Variants in RAD51B observed in about 807,000 individuals in gnomAD.
RAD51B encodes RAD51 paralog B, also known as DNA repair protein RAD51 homolog 2.
In RAD51B, 38 loss-of-function variants were observed where a neutral mutation model predicts 42.2. That is an observed-to-expected ratio of 0.90 (90% confidence interval 0.70 to 1.18). The LOEUF (loss-of-function observed/expected upper bound fraction) is 1.18, where lower values mean the gene tolerates loss of function less well. RAD51B is among the 50% of genes most tolerant of loss of function. The pLI, the probability that RAD51B is intolerant of heterozygous loss-of-function variation, is 0.00. For synonymous variants in RAD51B, 154 were observed against 145.2 expected (o/e 1.06, Z -0.43); for missense variants, 373 against 400.7 (o/e 0.93, Z 0.59).
chr14:68,298,889 T>A (rs896700986), intron 8 of RAD51B, among the ~76,000 whole-genome samples: 1 of 152,134 alleles, frequency 6.6e-6, no homozygotes, highest in African/African-American at 2.4e-5. Context: ...ACGATTAGTT[T>A]GTGTTGTAAT....
chr14:67,893,496 ACACACACAC>A (rs1423383170), intron 7 of RAD51B, among the ~76,000 whole-genome samples: 1,541 of 94,290 alleles, frequency 0.016, 104 homozygotes, highest in African/African-American at 0.037. Flanking sequence ...ACACACACAC[ACACACACAC>A]ACACAAAAAA....
At chr14:68,113,438 A>C (rs1173307293) in intron 7 of RAD51B, among the ~76,000 whole-genome samples, 5 of 152,160 alleles carry the variant, frequency 3.3e-5, no homozygotes, top group Non-Finnish European at 5.9e-5. Flanking sequence ...CTCATGCATT[A>C]AACTCTCAAT....
At chr14:68,163,514 T>G (rs143228054) in intron 7 of RAD51B, among the ~76,000 whole-genome samples, 4 of 152,342 alleles carry the variant, frequency 2.6e-5, no homozygotes, top group African/African-American at 4.8e-5. Context: ...TTGGCCTCAC[T>G]TCTTTACCTA....
exon 11 of RAD51B, chr14:68,650,850 G>A (rs762954457): frequency 1.3e-5 from 10 of 757,222 alleles, no homozygotes; most frequent in Middle Eastern, 2.3e-4. Flanking sequence ...TCCTGAGATT[G>A]CTACAGGTAT....
intron 4 of RAD51B, among the ~76,000 whole-genome samples, chr14:67,854,045 C>T (rs4902523): frequency 0.064 from 9,778 of 152,196 alleles, 710 homozygotes; most frequent in African/African-American, 0.18. Context: ...CAAATCAGTT[C>T]GGTAGCCTTC....
chr14:68,346,959 C>T (rs371761096), intron 8 of RAD51B, among the ~76,000 whole-genome samples: 7 of 152,150 alleles, frequency 4.6e-5, no homozygotes, highest in Admixed American at 3.3e-4. Context: ...CCCTCTACCC[C>T]CCAAGGCTGG....
intron 10 of RAD51B, among the ~76,000 whole-genome samples, chr14:68,549,490 A>G (rs1161098992): frequency 2.4e-5 from 3 of 127,104 alleles, no homozygotes; most frequent in Non-Finnish European, 4.8e-5. Context: ...ATCTCGACTC[A>G]CTGCAAGCTC....
chr14:68,372,517 T>C (rs1297194587), intron 8 of RAD51B, among the ~76,000 whole-genome samples: 2 of 152,166 alleles, frequency 1.3e-5, no homozygotes, highest in Non-Finnish European at 2.9e-5. Flanking sequence ...TCCAAGTGTA[T>C]GGGCTGGCCT....
At chr14:67,858,482 G>A (rs1053930187) in intron 4 of RAD51B, among the ~76,000 whole-genome samples, 1 of 152,180 alleles carries the variant, frequency 6.6e-6, no homozygotes, top group Non-Finnish European at 1.5e-5. Context: ...GATTGAGTTT[G>A]GGTTCTTTAT....
chr14:68,241,481 G>T (rs1212714350), intron 7 of RAD51B, among the ~76,000 whole-genome samples: 3 of 152,184 alleles, frequency 2.0e-5, no homozygotes, highest in Non-Finnish European at 4.4e-5. Context: ...GGCCGAGCTT[G>T]CAGTGAGCTG....
intron 7 of RAD51B, among the ~76,000 whole-genome samples, chr14:68,237,709 C>T (rs569046390): frequency 2.7e-5 from 4 of 148,690 alleles, no homozygotes; most frequent in African/African-American, 4.9e-5. Flanking sequence ...CAGTGTTTTA[C>T]ATGGACATGT....
chr14:68,322,187 C>A (rs1254797790), intron 8 of RAD51B, among the ~76,000 whole-genome samples: 2 of 152,158 alleles, frequency 1.3e-5, no homozygotes, highest in Non-Finnish European at 2.9e-5. Context: ...TCTTTTAATT[C>A]ATGCATGAAG....
At chr14:67,848,725 C>G (rs562349125) in intron 4 of RAD51B, among the ~76,000 whole-genome samples, 1 of 152,164 alleles carries the variant, frequency 6.6e-6, no homozygotes, top group Non-Finnish European at 1.5e-5. Flanking sequence ...AGGTGTCGTT[C>G]TTACCATTCC....
At chr14:68,176,377 T>C (rs1474566491) in intron 7 of RAD51B, among the ~76,000 whole-genome samples, 3 of 152,172 alleles carry the variant, frequency 2.0e-5, no homozygotes, top group African/African-American at 4.8e-5. Flanking sequence ...TCTTAATCAG[T>C]ATGCTGTTCT....
At chr14:68,515,443 CTTTT>C (rs59782915) in intron 10 of RAD51B, among the ~76,000 whole-genome samples, 4,150 of 52,576 alleles carry the variant, frequency 0.079, 190 homozygotes, top group African/African-American at 0.24. Context: ...TCTTCTTCTT[CTTTT>C]TTTTTTTTTT....
intron 7 of RAD51B, among the ~76,000 whole-genome samples, chr14:68,226,574 G>C (rs572207734): frequency 6.6e-6 from 1 of 152,320 alleles, no homozygotes; most frequent in Non-Finnish European, 1.5e-5. Context: ...CCCTACATAA[G>C]CTCTCTTGCC....
chr14:68,478,094 TA>T (rs1174842687), downstream of RAD51B: 2 of 1,046,686 alleles, frequency 1.9e-6, no homozygotes, highest in East Asian at 1.1e-4. Context: ...GTCTACCAGA[TA>T]AAAAGAGTAG....
chr14:68,676,483 T>C (rs1307972220), intron 11 of RAD51B, among the ~76,000 whole-genome samples: 2 of 152,218 alleles, frequency 1.3e-5, no homozygotes, highest in Admixed American at 6.5e-5. Context: ...GCAGGGAGTT[T>C]AGAGTGTCTG....
At chr14:68,173,905 A>AG (rs1327618364) in intron 7 of RAD51B, among the ~76,000 whole-genome samples, 1 of 152,196 alleles carries the variant, frequency 6.6e-6, no homozygotes, top group Non-Finnish European at 1.5e-5. Flanking sequence ...GGTCCATGAA[A>AG]GGGATACTTC....
Sources: gnomAD v4.1 joint callset for allele counts (sites outside exome capture counted in the v4.1 genomes callset) on GRCh38, gnomAD v4.1.1 for gene constraint, MANE v1.5 for transcripts, NCBI Gene and HGNC (gene_info 2026-07-23, HGNC 2026-07-21) for gene names.